The following OPTN variants were observed in gnomAD, a reference collection of about 807,000 sequenced individuals.
OPTN encodes the protein E3-14.7K-interacting protein.
In OPTN, 54 loss-of-function variants were observed where a neutral mutation model predicts 70.4. The observed-to-expected ratio is 0.77, with a 90% CI of 0.62 to 0.96. The LOEUF (loss-of-function observed/expected upper bound fraction) is 0.96, where lower values mean the gene tolerates loss of function less well. Ranked by LOEUF, OPTN falls within the 40% of genes least tolerant of loss-of-function variation. The pLI is 0.00. For missense variants in OPTN, 624 were observed against 673.2 expected (o/e 0.93, Z 0.81); for synonymous variants, 256 against 248.5 (o/e 1.03, Z -0.28).
intron 14 of OPTN, among the ~76,000 whole-genome samples, chr10:13,135,532 C>T (rs959672099): frequency 1.3e-5 from 2 of 151,852 alleles, no homozygotes; most frequent in African/African-American, 4.8e-5. Context: ...TTGCACCTAA[C>T]ACTCACCTGG....
chr10:13,136,026 A>C (rs1833691169), intron 14 of OPTN, among the ~76,000 whole-genome samples: 1 of 152,052 alleles, frequency 6.6e-6, no homozygotes, highest in African/African-American at 2.4e-5. Context: ...ATCCCTACAA[A>C]AATTTTAAAA....
intron 14 of OPTN, among the ~76,000 whole-genome samples, chr10:13,134,950 C>A (rs181054280): frequency 1.3e-5 from 2 of 152,038 alleles, no homozygotes; most frequent in African/African-American, 4.8e-5. Flanking sequence ...AAGGCAGCCC[C>A]GGATGCTGAC....
intron 1 of OPTN, among the ~76,000 whole-genome samples, chr10:13,101,896 TA>T (rs1832756712): frequency 6.6e-6 from 1 of 152,218 alleles, no homozygotes; most frequent in Non-Finnish European, 1.5e-5. Context: ...GTATTAGACT[TA>T]AAAATACCTC....
At chr10:13,116,229 C>T (rs766197705) in intron 5 of OPTN, 38 bp from the exon 6 acceptor site, 1 of 1,269,788 alleles carries the variant, frequency 7.9e-7, no homozygotes, top group East Asian at 2.3e-5. Context: ...GTCTTGTAGA[C>T]ATATTGTGTT....
chr10:13,132,355 A>AAAT (rs1169236040), intron 13 of OPTN, among the ~76,000 whole-genome samples, 158 bp downstream of exon 13: 37 of 152,100 alleles, frequency 2.4e-4, no homozygotes, highest in Admixed American at 9.8e-4. Flanking sequence ...TCTGAAAAAT[A>AAAT]AATAATAATA....
chr10:13,136,179 T>C (rs1260317638), intron 14 of OPTN, among the ~76,000 whole-genome samples: 2 of 149,604 alleles, frequency 1.3e-5, no homozygotes, highest in African/African-American at 2.5e-5. Context: ...AGAGCGAGAC[T>C]CCATCTGTCA....
intron 8 of OPTN, among the ~76,000 whole-genome samples, chr10:13,123,567 A>C (rs912721053): frequency 1.3e-5 from 2 of 152,216 alleles, no homozygotes; most frequent in African/African-American, 4.8e-5. Context: ...AAAATTATAG[A>C]GCTGCCAGGA....
chr10:13,117,594 C>T (rs574616042), intron 6 of OPTN, among the ~76,000 whole-genome samples: 3 of 151,714 alleles, frequency 2.0e-5, no homozygotes, highest in East Asian at 1.9e-4. Context: ...TACAGGTGGC[C>T]GCCACCACGC....
intron 1 of OPTN, among the ~76,000 whole-genome samples, chr10:13,100,883 C>A (rs77950231): frequency 6.6e-6 from 1 of 152,166 alleles, no homozygotes; most frequent in East Asian, 1.9e-4. Flanking sequence ...GAAAATGAAA[C>A]CCAGGTTCCG....
In OPTN at chr10:13,133,697, T is replaced by C. The variant is rs1260349473; in HGVS notation, c.1612+116T>C. 7.0e-6 allele frequency: 6 copies of C among 863,138 alleles called. No homozygotes were observed. The African/African-American group carries it at 1.0e-4, about 14-fold the overall frequency. 53.5% of individuals were successfully genotyped at this position (863,138 alleles called of 1,614,324 possible). On this transcript the variant is annotated intron_variant, in intron 14 of 14. Transcript: ENST00000378747. ...ATTCCAAATCAAGGCACCAAAAATA[T>C]AGCACCCGTCAGTCTCATTACCACA...
chr10:13,113,498 C>G (rs1048252446), intron 5 of OPTN, among the ~76,000 whole-genome samples: 1 of 152,176 alleles, frequency 6.6e-6, no homozygotes, highest in Non-Finnish European at 1.5e-5. Context: ...GAGTTTGAAG[C>G]CATTGCTATC....
intron 1 of OPTN, among the ~76,000 whole-genome samples, chr10:13,107,809 G>A (rs953905278): frequency 6.6e-6 from 1 of 152,150 alleles, no homozygotes; most frequent in African/African-American, 2.4e-5. Flanking sequence ...CAGCGTCAGC[G>A]GGGAGGAGTT....
At position 13,110,476 on chromosome 10, in the gene OPTN, G is replaced by A; in HGVS notation, c.369G>A (p.Glu123=). ...KLKGKSERSS[E]DPTDDSRLPR... ...AAGGGAAATCAGAAAGGTCATCTGA[G>A]GTGAGCAGACCGATCCATTGTGATG... Residue 123 remains glutamate, a splice_region_variant and synonymous_variant, in exon 4 of 15, where the codon GAG becomes GAA. Transcript: ENST00000378747. 1 of 1,611,740 alleles carries A rather than the reference G, an allele frequency of 6.2e-7. No individual in the cohort carries two copies. Among genetic ancestry groups the A allele is most frequent in the Non-Finnish European group, 8.5e-7 (1 of 1,179,132 alleles).
At chr10:13,132,239 T>G (rs1348964156) in intron 13 of OPTN, 42 bp downstream of exon 13, 6 of 1,606,508 alleles carry the variant, frequency 3.7e-6, no homozygotes, top group Non-Finnish European at 5.1e-6. Flanking sequence ...CACATCAGCA[T>G]GGCCGTAGAA....
intron 1 of OPTN, among the ~76,000 whole-genome samples, chr10:13,107,065 A>G (rs573623281): frequency 2.0e-5 from 3 of 152,206 alleles, no homozygotes; most frequent in African/African-American, 7.2e-5. Context: ...TATTTATTGG[A>G]TAGATGGATT....
Position 13,128,264 on chromosome 10 carries a change from C to T in OPTN, c.1401+361C>T, listed in dbSNP as rs140091308. On this transcript the variant is annotated intron_variant, in intron 12 of 14. Coordinates refer to ENST00000378747, the MANE Select transcript of OPTN (RefSeq NM_001008212.2). ...TGTTACTCACTTTTAACAGGTAATG[C>T]CAAACAGTTTTCCAGAGTGGTTGGA... Among the ~76,000 whole-genome samples the T allele has an allele frequency of 1.2e-3, 188 of 152,194 alleles. 1 individual carries two copies. In the East Asian group the frequency reaches 0.029, roughly 23 times the overall value.
At chr10:13,100,534 G>A (rs542383964) in intron 1 of OPTN, among the ~76,000 whole-genome samples, 1 of 152,332 alleles carries the variant, frequency 6.6e-6, no homozygotes, top group South Asian at 2.1e-4. Context: ...TGAACACAGG[G>A]TGGGCCCAAG....
chr10:13,131,384 A>G (rs1036165059), intron 12 of OPTN: 1 of 152,804 alleles, frequency 6.5e-6, no homozygotes, highest in South Asian at 2.1e-4. Context: ...AGAGGCAAGG[A>G]TCACTGGAGC....
At chr10:13,116,022 G>C (rs561596979) in intron 5 of OPTN, among the ~76,000 whole-genome samples, 3 of 152,222 alleles carry the variant, frequency 2.0e-5, no homozygotes, top group Non-Finnish European at 4.4e-5. Context: ...TGTGTATGGC[G>C]AGATGAAACT....
Sources: gnomAD v4.1 joint callset for allele counts (sites outside exome capture counted in the v4.1 genomes callset) on GRCh38, gnomAD v4.1.1 for gene constraint, MANE v1.5 for transcripts, NCBI Gene and HGNC (gene_info 2026-07-23, HGNC 2026-07-21) for gene names.